CAPN12: variants seen among roughly 807,000 people sequenced by gnomAD.
The protein encoded by CAPN12 is calpain 12.
In CAPN12, 107 loss-of-function variants were observed where a neutral mutation model predicts 95.0. That is an observed-to-expected ratio of 1.13 (90% CI 0.96 to 1.32). The LOEUF is 1.32. Among genes scored for constraint, CAPN12 ranks in the 40% most tolerant of loss-of-function variants. The probability of loss-of-function intolerance (pLI) is 0.00; values close to 1 mark genes in which losing one functional copy is unlikely to be tolerated. For synonymous variants in CAPN12, 505 were observed against 415.5 expected (o/e 1.22, Z -2.62); for missense variants, 1,136 against 997.8 (o/e 1.14, Z -1.87).
chr19:38,737,161 A>G lies in CAPN12; in HGVS notation c.1357T>C (p.Phe453Leu). The change falls in exon 10 of 21, where the codon TTC becomes CTC. Residue 453 changes from phenylalanine (F) to leucine (L), a missense_variant. Physicochemically the swap from Phe to Leu is conservative, Grantham distance 22. Transcript: ENST00000328867. The part of the protein sequence containing the change: ...LTYLTVGFHV[F>L]QIPEELLGLW... ...AGCTTTGCCCAGGACCTCACCTGGA[A>G]CACGTGGAAGCCAACGGTGAGGTAA... 1 of 1,545,988 alleles carries G rather than the reference A, an allele frequency of 6.5e-7. No homozygotes were observed. The highest frequency in any genetic ancestry group is 8.7e-7 in the Non-Finnish European group (1 of 1,146,008).
intron 12 of CAPN12, 46 bp from the exon 13 acceptor site, chr19:38,735,590 C>A (rs575418866): frequency 6.3e-7 from 1 of 1,593,392 alleles, no homozygotes; most frequent in Non-Finnish European, 8.5e-7. Flanking sequence ...TTTGCCCCAG[C>A]TGGGGCTGTG....
At chr19:38,736,964 A>C (rs1439750140) in intron 10 of CAPN12, 192 bp downstream of exon 10, 36 of 100,750 alleles carry the variant, frequency 3.6e-4, no homozygotes, top group African/African-American at 1.2e-3. Context: ...CTGCTCCTCC[A>C]CTCCTCCCCT....
rs748341077 is a variant in CAPN12 at position 38,737,302 on chromosome 19, C to A, written c.1216G>T (p.Gly406Cys). Residue 406 changes from glycine (G) to cysteine (C), a missense_variant, in exon 10 of 21, where the codon GGC (glycine) becomes TGC (cysteine). Physicochemically the swap from Gly to Cys is radical, Grantham distance 159. Coordinates refer to ENST00000328867, the MANE Select transcript of CAPN12 (RefSeq NM_144691.4). The part of the protein sequence containing the change: ...DDEDEEGPWG[G>C]WGAAGARGPA... Reference sequence around the variant, plus strand: ...CCCCGTGCCCCTGCAGCCCCCCAGCCCCCCCAGGGCCCTTCCTCATCCTCG... The same window carrying A: ...CCCCGTGCCCCTGCAGCCCCCCAGCACCCCCAGGGCCCTTCCTCATCCTCG... The A allele has an allele frequency of 5.1e-5, 80 of 1,557,132 alleles. No individual in the cohort carries two copies. In the South Asian group the frequency reaches 7.1e-4, roughly 14 times the overall value.
intron 14 of CAPN12, 66 bp downstream of exon 14, chr19:38,735,304 G>GGGGAAGGGGGGTCCCCAA: frequency 6.9e-7 from 1 of 1,451,386 alleles, no homozygotes; most frequent in Non-Finnish European, 9.3e-7. Flanking sequence ...TGCTGGGGTG[G>GGGGAAGGGGGGTCCCCAA]GGGAAGGGGG....
rs202082771 is a variant in CAPN12, at chr19:38,737,249, C to T, written c.1269G>A (p.Lys423=). 3.2e-4 allele frequency: 491 copies of T among 1,551,238 alleles called. 1 individual carries two copies. The African/African-American group carries it at 5.8e-3, about 18-fold the overall frequency. ...RGPARGGRTP[K]CTVLLSLIQR... Reference sequence around the variant, plus strand: ...GGATGAGGGACAGAAGGACCGTGCACTTGGGCGTGCGGCCCCCCCGCGCTG... The same window carrying T: ...GGATGAGGGACAGAAGGACCGTGCATTTGGGCGTGCGGCCCCCCCGCGCTG... The change falls in exon 10 of 21, where the codon AAG becomes AAA. Residue 423 remains lysine (K), a synonymous_variant. Coordinates refer to ENST00000328867, the MANE Select transcript of CAPN12 (RefSeq NM_144691.4).
At position 38,744,317 on chromosome 19, in the gene CAPN12, G is replaced by C; in HGVS notation, c.-152C>G. ...AATTGATGGTTTGGGGTGCTGGGGA[G>C]CAGGGACGCCTCTTCAGTAGCTTTC... On this transcript the variant is annotated 5_prime_UTR_variant, in exon 1 of 21. Transcript: ENST00000328867. 1 of 739,210 alleles carries C rather than the reference G, an allele frequency of 1.4e-6. No individual in the cohort carries two copies. Among genetic ancestry groups the C allele is most frequent in the South Asian group, 1.7e-5 (1 of 57,870 alleles). The allele number at this position is 739,210 out of a possible 1,614,324, so 45.8% of individuals were successfully genotyped here. A position where few individuals can be genotyped will look rare whatever the true frequency, so the allele number is the denominator to read the frequency against.
intron 4 of CAPN12, among the ~76,000 whole-genome samples, chr19:38,740,717 T>C (rs1205304515): frequency 4.0e-5 from 6 of 151,854 alleles, no homozygotes; most frequent in Admixed American, 1.3e-4. Flanking sequence ...GGAGAATCGC[T>C]TGAACTCGGG....
rs1400300971 is a variant in CAPN12 at position 38,735,952 on chromosome 19, CGGGGGTTCTG to C, written c.1583+148_1583+157del. Among the ~76,000 whole-genome samples the C allele has an allele frequency of 2.6e-3, 27 of 10,330 alleles. 8 individuals carry two copies. Among genetic ancestry groups the C allele is most frequent in the Non-Finnish European group, 3.9e-3 (16 of 4,114 alleles). 6.8% of individuals were successfully genotyped at this position (10,330 alleles called of 152,430 possible). On this transcript the variant is annotated intron_variant, in intron 12 of 20. Transcript: ENST00000328867. Reference sequence around the variant, plus strand: ...CGGGGGTTCTGGGGGCGGGGCGGGGCGGGGGTTCTGGGGGCGGGGCGGGGCGGGGCAGGGG... The same window carrying C: ...CGGGGGTTCTGGGGGCGGGGCGGGGCGGGGCGGGGCGGGGCGGGGCAGGGG...
rs577466545 is a variant in CAPN12, at chr19:38,742,092, G to A, written c.427-182C>T. Among the ~76,000 whole-genome samples the A allele has an allele frequency of 6.6e-5, 10 of 151,402 alleles. No individual in the cohort carries two copies. The South Asian group carries it at 8.4e-4, about 13-fold the overall frequency. ...TGTAATCCCAGCACTTTGGGAGGCC[G>A]AGGCGGATGGATCACGAGGTCAGGA... On this transcript the variant is annotated intron_variant, in intron 3 of 20. Coordinates refer to ENST00000328867, the MANE Select transcript of CAPN12 (RefSeq NM_144691.4).
At chr19:38,736,047 T>C in intron 12 of CAPN12, 63 bp downstream of exon 12, 1 of 579,136 alleles carries the variant, frequency 1.7e-6, no homozygotes. Flanking sequence ...GTCTCGGGGG[T>C]CTCGGGGGTC....
chr19:38,736,219 G>A lies in CAPN12; in HGVS notation c.1474C>T (p.Arg492Cys), dbSNP rs1007640899. ...TAGTGGCCTGGACGCAGGCAGCAGC[G>A]GCGGGTCACGTCGCGGCGGGCGCTG... ...PLSARRDVTR[R>C]CCLRPGHYLV... Residue 492 changes from arginine (R) to cysteine (C), a missense_variant, in exon 12 of 21, where the codon CGC (arginine) becomes TGC (cysteine). Physicochemically the swap from Arg to Cys is radical, Grantham distance 180. Transcript: ENST00000328867. The A allele has an allele frequency of 5.3e-6, 8 of 1,500,642 alleles. No homozygotes were observed. Among genetic ancestry groups the A allele is most frequent in the East Asian group, 2.7e-5 (1 of 36,420 alleles). The allele number at this position is 1,500,642 out of a possible 1,614,324, so 93.0% of individuals were successfully genotyped here.
chr19:38,731,375 C>T (rs965589350), intron 18 of CAPN12, 152 bp from the exon 19 acceptor site: 4 of 646,496 alleles, frequency 6.2e-6, no homozygotes, highest in Non-Finnish European at 8.4e-6. Flanking sequence ...AGGCTGATCC[C>T]TTCAATCCTC....
At position 38,733,753 on chromosome 19, in the gene CAPN12, G is replaced by A. The variant is rs1969806243; in HGVS notation, c.1907C>T (p.Thr636Ile). 12 of 1,613,544 alleles carry A rather than the reference G, an allele frequency of 7.4e-6. No individual in the cohort carries two copies. The highest frequency in any genetic ancestry group is 8.5e-6 in the Non-Finnish European group (10 of 1,179,964). ...QAIFNKFDED[T>I]SGTMNSYELR... The stretch of plus-strand genomic sequence containing the variant: ...CTCGTAGGAGTTCATGGTTCCAGAG[G>A]TGTCCTCATCGAACTTGTTAAATAT... Residue 636 changes from threonine (T) to isoleucine (I), a missense_variant, in exon 18 of 21, where the codon ACC (threonine) becomes ATC (isoleucine). Physicochemically the swap from Thr to Ile is moderately conservative, Grantham distance 89. Transcript: ENST00000328867.
In CAPN12 at chr19:38,736,802, T is replaced by G. The variant is rs546054933; in HGVS notation, c.1363-239A>C. ...TATCCTTGGTCCCCTCTGGCCCTTC[T>G]AACCCCCAGCCTCTCTCTGTCCCTA... is the stretch of plus-strand genomic sequence containing the variant. On this transcript the variant is annotated intron_variant, in intron 10 of 20. Coordinates refer to ENST00000328867, the MANE Select transcript of CAPN12 (RefSeq NM_144691.4). 21 of 594,360 alleles carry G rather than the reference T, an allele frequency of 3.5e-5. 1 individual carries two copies. In the South Asian group the frequency reaches 4.0e-4, roughly 11 times the overall value. 36.8% of individuals were successfully genotyped at this position (594,360 alleles called of 1,614,324 possible). A position where few individuals can be genotyped will look rare whatever the true frequency, so the allele number is the denominator to read the frequency against.
intron 5 of CAPN12, chr19:38,739,773 C>A: frequency 3.3e-6 from 1 of 302,052 alleles, no homozygotes; most frequent in Non-Finnish European, 6.0e-6. Flanking sequence ...TATGGGGGAT[C>A]CTTTTATGCC....
rs762125552 is a variant in CAPN12 at position 38,744,022 on chromosome 19, G to A, written c.144C>T (p.Asp48=). 2.5e-6 allele frequency: 4 copies of A among 1,614,124 alleles called. No homozygotes were observed. Among genetic ancestry groups the A allele is most frequent in the East Asian group, 4.5e-5 (2 of 44,898 alleles). Residue 48 remains aspartate, a synonymous_variant, in exon 1 of 21, where the codon GAC becomes GAT. Transcript: ENST00000328867. ...ACLDSGILFR[D]PYFPAGPDAL... is the part of the protein sequence containing the mutation. The stretch of plus-strand genomic sequence containing the variant: ...CATCAGGGCCAGCAGGGAAGTAAGG[G>A]TCGCGGAACAGGATCCCCGAATCCA...
chr19:38,737,363 G>A lies in CAPN12; in HGVS notation c.1155C>T (p.Phe385=). The A allele has an allele frequency of 6.2e-7, 1 of 1,609,740 alleles. No homozygotes were observed. The highest frequency in any genetic ancestry group is 1.3e-5 in the African/African-American group (1 of 74,256). Reference sequence around the variant, plus strand: ...CATCAGGCTCCAGCAGCGTTAAACGGAACTGAGGATTGGTCCAGAAGGTTT... The same window carrying A: ...CATCAGGCTCCAGCAGCGTTAAACGAAACTGAGGATTGGTCCAGAAGGTTT... ...NAETFWTNPQ[F]RLTLLEPDEE... Residue 385 remains phenylalanine (F), a synonymous_variant, in exon 10 of 21, where the codon TTC becomes TTT. Transcript: ENST00000328867.
chr19:38,738,098 C>G (rs190740373), intron 8 of CAPN12, among the ~76,000 whole-genome samples, 175 bp downstream of exon 8: 1 of 152,314 alleles, frequency 6.6e-6, no homozygotes, highest in East Asian at 1.9e-4. Flanking sequence ...CAGAGGTTCT[C>G]TAATATTACT....
At chr19:38,734,637 C>G in intron 15 of CAPN12, 176 bp downstream of exon 15, 1 of 671,940 alleles carries the variant, frequency 1.5e-6, no homozygotes, top group South Asian at 2.0e-5. Flanking sequence ...AGCCGTGGCC[C>G]AGGTCACGGG....
Sources: gnomAD v4.1 joint callset for allele counts (sites outside exome capture counted in the v4.1 genomes callset) on GRCh38, gnomAD v4.1.1 for gene constraint, MANE v1.5 for transcripts, NCBI Gene and HGNC (gene_info 2026-07-23, HGNC 2026-07-21) for gene names.